GRIN2B: variants seen among roughly 807,000 people sequenced by gnomAD.
GRIN2B encodes the protein glutamate ionotropic receptor NMDA type subunit 2B, also known as glutamate receptor ionotropic, NMDA 2B.
A neutral mutation model predicts 114.5 loss-of-function variants in GRIN2B; 5 were observed. The observed-to-expected ratio is 0.04, with a 90% CI of 0.02 to 0.09. GRIN2B has a LOEUF of 0.09. Ranked by LOEUF, GRIN2B falls within the 10% of genes least tolerant of loss-of-function variation. The probability of loss-of-function intolerance (pLI) is 1.00; values close to 1 mark genes in which losing one functional copy is unlikely to be tolerated. For missense variants in GRIN2B, 1,108 were observed against 1,943.5 expected (o/e 0.57, Z 8.08); for synonymous variants, 787 against 745.1 (o/e 1.06, Z -0.92).
At chr12:13,855,174 T>C (rs142104805) in intron 3 of GRIN2B, among the ~76,000 whole-genome samples, 19 of 151,830 alleles carry the variant, frequency 1.3e-4, no homozygotes, top group East Asian at 3.9e-4. Flanking sequence ...GCCGAGATCA[T>C]GCCACTGCAC....
intron 4 of GRIN2B, among the ~76,000 whole-genome samples, chr12:13,752,023 G>A (rs922640347): frequency 3.3e-5 from 5 of 152,112 alleles, no homozygotes. Context: ...GTTGATGGTG[G>A]AAGAATATCA....
intron 4 of GRIN2B, among the ~76,000 whole-genome samples, chr12:13,680,394 T>G (rs1229802572): frequency 1.3e-5 from 2 of 151,302 alleles, no homozygotes; most frequent in Non-Finnish European, 2.9e-5. Flanking sequence ...AATGCAGAAG[T>G]TCTGCCCATG....
At chr12:13,911,474 C>A (rs765450716) in intron 2 of GRIN2B, among the ~76,000 whole-genome samples, 10 of 152,166 alleles carry the variant, frequency 6.6e-5, no homozygotes, top group Non-Finnish European at 1.0e-4. Flanking sequence ...CAACCCCCAG[C>A]CTCTGCAGTT....
At chr12:13,729,382 G>T (rs141555879) in intron 4 of GRIN2B, among the ~76,000 whole-genome samples, 2 of 152,040 alleles carry the variant, frequency 1.3e-5, no homozygotes, top group Non-Finnish European at 2.9e-5. Flanking sequence ...TCTTCCTTCT[G>T]TCTCTCCCGT....
Position 13,954,811 on chromosome 12 carries a change from G to GAAAAAAAAAAAAAAA in GRIN2B, c.-19+25102_-19+25116dup, listed in dbSNP as rs61525874. On this transcript the variant is annotated intron_variant, in intron 2 of 13. Coordinates refer to ENST00000609686, the MANE Select transcript of GRIN2B (RefSeq NM_000834.5). ...GTGACAGAGTGAGACTCCGTCTCAGGAAAAAAAAAAAAAAAAAACTTTTTC... is the reference window on the plus strand; with the variant it reads ...GTGACAGAGTGAGACTCCGTCTCAGGAAAAAAAAAAAAAAAAAAAAAAAAAAAAAAAAACTTTTTC... Among the ~76,000 whole-genome samples the GAAAAAAAAAAAAAAA allele has an allele frequency of 3.2e-3, 82 of 25,538 alleles. 7 individuals carry two copies. The highest frequency in any genetic ancestry group is 0.022 in the East Asian group (39 of 1,810). The allele number at this position is 25,538 out of a possible 152,430, so 16.8% of individuals were successfully genotyped here.
At chr12:13,859,166 A>G (rs1477907335) in intron 3 of GRIN2B, among the ~76,000 whole-genome samples, 1 of 152,170 alleles carries the variant, frequency 6.6e-6, no homozygotes, top group South Asian at 2.1e-4. Context: ...GAAGAGTCCA[A>G]CTAAGGTCAC....
chr12:13,917,069 G>A (rs536357414), intron 2 of GRIN2B, among the ~76,000 whole-genome samples: 1 of 152,140 alleles, frequency 6.6e-6, no homozygotes, highest in South Asian at 2.1e-4. Flanking sequence ...CACACTAAGG[G>A]GCAAGCCTGA....
At chr12:13,646,811 A>T (rs898873770) in intron 5 of GRIN2B, among the ~76,000 whole-genome samples, 1 of 152,014 alleles carries the variant, frequency 6.6e-6, no homozygotes, top group Non-Finnish European at 1.5e-5. Context: ...TACGGGTGTG[A>T]GCCACTGCAC....
chr12:13,756,592 T>C (rs1342002989), intron 3 of GRIN2B, among the ~76,000 whole-genome samples: 1 of 152,224 alleles, frequency 6.6e-6, no homozygotes, highest in East Asian at 1.9e-4. Flanking sequence ...GCCCAGTGGT[T>C]ATAGCAAAGT....
chr12:13,845,509 T>C (rs1224889793), intron 3 of GRIN2B, among the ~76,000 whole-genome samples: 1 of 152,198 alleles, frequency 6.6e-6, no homozygotes, highest in Non-Finnish European at 1.5e-5. Flanking sequence ...ACTGGTATTT[T>C]GTTGACTTTA....
At chr12:13,913,852 A>G (rs1866665037) in intron 2 of GRIN2B, among the ~76,000 whole-genome samples, 3 of 152,184 alleles carry the variant, frequency 2.0e-5, no homozygotes. Flanking sequence ...TCCAAACCTC[A>G]GTTTCCTCAT....
chr12:13,726,790 A>G (rs1203720067), intron 4 of GRIN2B, among the ~76,000 whole-genome samples: 1 of 151,796 alleles, frequency 6.6e-6, no homozygotes, highest in Admixed American at 6.6e-5. Flanking sequence ...CCTGTACCCA[A>G]TGTGTAGTCT....
intron 2 of GRIN2B, among the ~76,000 whole-genome samples, chr12:13,876,826 A>G (rs544769726): frequency 7.2e-5 from 11 of 151,952 alleles, no homozygotes; most frequent in African/African-American, 2.7e-4. Flanking sequence ...TTATTTATCT[A>G]TCTCCAGTAC....
At chr12:13,850,967 T>A (rs977734618) in intron 3 of GRIN2B, among the ~76,000 whole-genome samples, 1 of 152,164 alleles carries the variant, frequency 6.6e-6, no homozygotes, top group Non-Finnish European at 1.5e-5. Context: ...TTAAATTGGC[T>A]CAGTGCAGGC....
At position 13,951,735 on chromosome 12, in the gene GRIN2B, G is replaced by C. The variant is rs559475571; in HGVS notation, c.-19+28193C>G. The stretch of plus-strand genomic sequence containing the variant: ...ATCTGTTCATCTCTCTCTCTAGACT[G>C]TGAGCTTCTCAAGAGTGGAGACAAG... On this transcript the variant is annotated intron_variant, in intron 2 of 13. Coordinates refer to ENST00000609686, the MANE Select transcript of GRIN2B (RefSeq NM_000834.5). Among the ~76,000 whole-genome samples the C allele has an allele frequency of 1.1e-4, 16 of 152,296 alleles. 1 individual carries two copies. In the South Asian group the frequency reaches 2.9e-3, roughly 28 times the overall value.
Position 13,541,331 on chromosome 12 carries a change from C to A in GRIN2B, c.*21452G>T, listed in dbSNP as rs988572653. On this transcript the variant is annotated 3_prime_UTR_variant, in exon 14 of 14. Coordinates refer to ENST00000609686, the MANE Select transcript of GRIN2B (RefSeq NM_000834.5). ...TTTTGCCCCTCACTTCCCACAAATTCCTTTAACAAATAGGCGTACCCAGGT... is the reference window on the plus strand; with the variant it reads ...TTTTGCCCCTCACTTCCCACAAATTACTTTAACAAATAGGCGTACCCAGGT... 2 of 152,188 alleles carry A rather than the reference C, an allele frequency of 1.3e-5. No individual in the cohort carries two copies. Among genetic ancestry groups the A allele is most frequent in the Admixed American group, 6.5e-5 (1 of 15,274 alleles). 9.4% of individuals were successfully genotyped at this position (152,188 alleles called of 1,614,324 possible).
intron 5 of GRIN2B, among the ~76,000 whole-genome samples, chr12:13,649,871 C>T (rs777853798): frequency 2.6e-5 from 4 of 152,174 alleles, no homozygotes; most frequent in South Asian, 4.1e-4. Context: ...ACCCTTCTAG[C>T]GCTAACAGTT....
At chr12:13,784,251 A>C (rs1864182340) in intron 3 of GRIN2B, among the ~76,000 whole-genome samples, 1 of 130,502 alleles carries the variant, frequency 7.7e-6, no homozygotes, top group African/African-American at 2.8e-5. Context: ...AAAAAAAAAA[A>C]AAAAAAAATC....
intron 5 of GRIN2B, among the ~76,000 whole-genome samples, chr12:13,619,684 G>T (rs753089037): frequency 3.3e-5 from 5 of 152,206 alleles, no homozygotes; most frequent in Non-Finnish European, 7.3e-5. Context: ...CATTTGTTGA[G>T]GGTATAGATG....
Sources: allele counts gnomAD v4.1 joint callset (sites outside exome capture counted in the v4.1 genomes callset), GRCh38; gene constraint gnomAD v4.1.1; transcripts MANE v1.5; gene names NCBI Gene and HGNC (gene_info 2026-07-23, HGNC 2026-07-21).